The following URGCP variants were observed in gnomAD, a reference collection of about 807,000 sequenced individuals.
URGCP encodes upregulator of cell proliferation.
In URGCP, 13 loss-of-function variants were observed where a neutral mutation model predicts 24.6. That is an observed-to-expected ratio of 0.53 (90% CI 0.34 to 0.84). The LOEUF is 0.84. URGCP is among the 40% of genes least tolerant of loss of function. The pLI, the probability that URGCP is intolerant of heterozygous loss-of-function variation, is 0.01. For missense variants in URGCP, 899 were observed against 1,194.3 expected (o/e 0.75, Z 3.64); for synonymous variants, 444 against 487.2 (o/e 0.91, Z 1.17).
intron 1 of URGCP, among the ~76,000 whole-genome samples, chr7:43,921,321 G>A (rs560635194): frequency 4.3e-5 from 6 of 138,392 alleles, no homozygotes; most frequent in East Asian, 4.5e-4. Context: ...GCGAGACTCC[G>A]TCTCAAAAAA....
chr7:43,883,337 C>CAT (rs1215710880), intron 3 of URGCP, among the ~76,000 whole-genome samples: 2,739 of 105,190 alleles, frequency 0.026, 94 homozygotes, highest in Middle Eastern at 0.049. Flanking sequence ...TATATATATA[C>CAT]ATATATATAT....
chr7:43,888,070 A>G lies in URGCP; in HGVS notation c.15-254T>C, dbSNP rs1203080204. On this transcript the variant is annotated intron_variant, in intron 1 of 5. Transcript: ENST00000453200. The stretch of plus-strand genomic sequence containing the variant: ...AGTATGCACAGTATGATTACAATTT[A>G]ATAAAATTGTGTATGTTTATCTATA... 2.0e-5 allele frequency: 9 copies of G among 455,788 alleles called. No individual in the cohort carries two copies. The Admixed American group carries it at 3.5e-4, about 18-fold the overall frequency. 28.2% of individuals were successfully genotyped at this position (455,788 alleles called of 1,614,324 possible).
chr7:43,881,299 G>A (rs1171608339), intron 5 of URGCP: 8 of 688,580 alleles, frequency 1.2e-5, no homozygotes, highest in Non-Finnish European at 2.1e-5. Context: ...CGTTGGACCA[G>A]ATAAATCGTT....
At chr7:43,904,401 A>G (rs1230918350) in intron 1 of URGCP, among the ~76,000 whole-genome samples, 1 of 152,158 alleles carries the variant, frequency 6.6e-6, no homozygotes, top group Non-Finnish European at 1.5e-5. Context: ...TAAAAACATC[A>G]ATTTGGAGAC....
At position 43,877,409 on chromosome 7, in the gene URGCP, C is replaced by T. The variant is rs1328166812; in HGVS notation, c.2054G>A (p.Arg685Gln). 5.0e-6 allele frequency: 8 copies of T among 1,613,346 alleles called. No homozygotes were observed. The highest frequency in any genetic ancestry group is 2.2e-5 in the East Asian group (1 of 44,880). ...CACCAGCCTTGACCGTCTCTCCAGT[C>T]GGACGTGCAGCTCCTTCAGGAGCCC... is the stretch of plus-strand genomic sequence containing the variant. ...VTGLLKELHV[R>Q]LERRSRLVVL... Residue 685 changes from arginine (R) to glutamine (Q), a missense_variant, in exon 6 of 6, where the codon CGA becomes CAA. Transcript: ENST00000453200.
chr7:43,889,925 G>C (rs1458521634), intron 1 of URGCP, among the ~76,000 whole-genome samples: 2 of 146,196 alleles, frequency 1.4e-5, no homozygotes, highest in African/African-American at 2.5e-5. Flanking sequence ...TTTTTTTTGA[G>C]ATGGAGTCTT....
intron 4 of URGCP, 40 bp from the exon 5 acceptor site, chr7:43,881,737 A>C: frequency 6.2e-7 from 1 of 1,613,996 alleles, no homozygotes; most frequent in Middle Eastern, 1.6e-4. Context: ...TCAATCAAAT[A>C]ATGCACCCTT....
upstream of URGCP, chr7:43,906,705 G>GAGGTGGGGTA (rs1406990639): frequency 2.2e-5 from 21 of 945,138 alleles, 1 homozygote; most frequent in Admixed American, 1.1e-4. Flanking sequence ...GAGGTGGGGT[G>GAGGTGGGGTA]AGGTGGGGTA....
At chr7:43,919,828 T>A in intron 1 of URGCP, 1 of 1,272,284 alleles carries the variant, frequency 7.9e-7, no homozygotes, top group Non-Finnish European at 1.2e-6. Flanking sequence ...AGTGGGCGCA[T>A]GATGGCCAAC....
intron 3 of URGCP, among the ~76,000 whole-genome samples, chr7:43,883,782 G>A (rs1338532763): frequency 6.6e-6 from 1 of 152,106 alleles, no homozygotes; most frequent in Non-Finnish European, 1.5e-5. Flanking sequence ...CTTCTTTGAT[G>A]ATATCTCTGG....
Position 43,877,724 on chromosome 7 carries a change from G to T in URGCP, c.1739C>A (p.Pro580Gln), listed in dbSNP as rs2232102. Residue 580 changes from proline (P) to glutamine (Q), a missense_variant, in exon 6 of 6, where the codon CCG (proline) becomes CAG (glutamine). Physicochemically the swap from Pro to Gln is moderately conservative, Grantham distance 76. Coordinates refer to ENST00000453200, the MANE Select transcript of URGCP (RefSeq NM_001077663.3). ...MEWGLARVAQ[P>Q]RLRQPPETLL... The stretch of plus-strand genomic sequence containing the variant: ...CGTCTCCGGAGGCTGTCTCAGTCGC[G>T]GCTGGGCCACCCGTGCCAGGCCCCA... 1 of 1,611,502 alleles carries T rather than the reference G, an allele frequency of 6.2e-7. No homozygotes were observed. The highest frequency in any genetic ancestry group is 2.2e-5 in the East Asian group (1 of 44,852).
At chr7:43,912,147 AG>A (rs1212169504) in intron 1 of URGCP, among the ~76,000 whole-genome samples, 1 of 152,206 alleles carries the variant, frequency 6.6e-6, no homozygotes, top group Non-Finnish European at 1.5e-5. Flanking sequence ...TTAAAGAAAA[AG>A]AAAATGAAGA....
intron 1 of URGCP, among the ~76,000 whole-genome samples, chr7:43,890,061 C>T (rs1462344247): frequency 2.0e-5 from 3 of 151,842 alleles, no homozygotes; most frequent in South Asian, 2.1e-4. Flanking sequence ...TGCGCCACCA[C>T]GCCTGGCTAA....
chr7:43,924,022 A>G (rs563669132), intron 1 of URGCP, among the ~76,000 whole-genome samples: 7 of 152,066 alleles, frequency 4.6e-5, no homozygotes, highest in African/African-American at 1.7e-4. Flanking sequence ...GGTGCATGCC[A>G]CCACACCTGG....
upstream of URGCP, chr7:43,906,629 G>A: frequency 8.5e-7 from 1 of 1,171,566 alleles, no homozygotes; most frequent in Non-Finnish European, 1.1e-6. Context: ...CGCGGCCGCG[G>A]CTCGGCGCCG....
At chr7:43,908,903 G>A (rs921985947), upstream of URGCP, among the ~76,000 whole-genome samples, 1 of 152,200 alleles carries the variant, frequency 6.6e-6, no homozygotes, top group Admixed American at 6.5e-5. Context: ...CAGAGGGCAA[G>A]GAGAAACTTT....
Position 43,878,023 on chromosome 7 carries a change from G to A in URGCP, c.1440C>T (p.Thr480=). The A allele has an allele frequency of 6.2e-7, 1 of 1,614,190 alleles. No individual in the cohort carries two copies. The highest frequency in any genetic ancestry group is 8.5e-7 in the Non-Finnish European group (1 of 1,180,034). ...AGGCATCCGAGTCTTTGATTTTCCT[G>A]GTAATCCTCTCCATCCGGTCTTTCG... ...QKAKDRMERI[T]RKIKDSDAYR... The change falls in exon 6 of 6, where the codon ACC becomes ACT. Residue 480 remains threonine, a synonymous_variant. Coordinates refer to ENST00000453200, the MANE Select transcript of URGCP (RefSeq NM_001077663.3). The surrounding 1 kb of genome is among the most constrained non-coding windows in gnomAD (Gnocchi z 5.6).
upstream of URGCP, chr7:43,907,172 G>A (rs1562587601): frequency 6.6e-6 from 1 of 152,142 alleles, no homozygotes; most frequent in African/African-American, 2.4e-5. Flanking sequence ...TTCCTCCAGT[G>A]AGGTTTCACA....
intron 1 of URGCP, among the ~76,000 whole-genome samples, chr7:43,916,026 T>G (rs2095915052): frequency 6.6e-6 from 1 of 151,968 alleles, no homozygotes; most frequent in South Asian, 2.1e-4. Flanking sequence ...AAAAAGTTTC[T>G]CTCCCTGTTG....
Sources: gnomAD v4.1 joint callset for allele counts (sites outside exome capture counted in the v4.1 genomes callset) on GRCh38, gnomAD v4.1.1 for gene constraint, Gnocchi (gnomAD v3.1) non-coding constraint, MANE v1.5 for transcripts, NCBI Gene and HGNC (gene_info 2026-07-23, HGNC 2026-07-21) for gene names.